SLC22A23: variants seen among roughly 807,000 people sequenced by gnomAD.
SLC22A23 encodes the protein solute carrier family 22 member 23.
A neutral mutation model predicts 61.0 loss-of-function variants in SLC22A23; 26 were observed. The ratio of observed to expected loss-of-function variants is 0.43; its 90% CI spans 0.31 to 0.59. The LOEUF is 0.59. Among genes scored for constraint, SLC22A23 ranks in the 20% least tolerant of loss-of-function variants. The probability of loss-of-function intolerance (pLI) is 0.11; values close to 1 mark genes in which losing one functional copy is unlikely to be tolerated. For synonymous variants in SLC22A23, 430 were observed against 413.9 expected (o/e 1.04, Z -0.47); for missense variants, 796 against 934.7 (o/e 0.85, Z 1.94).
At chr6:3,365,551 G>A (rs1158327097) in intron 3 of SLC22A23, among the ~76,000 whole-genome samples, 1 of 152,132 alleles carries the variant, frequency 6.6e-6, no homozygotes, top group Non-Finnish European at 1.5e-5. Context: ...GGAGCAGTGG[G>A]CGGACCTGAT....
At chr6:3,274,172 G>A (rs61246041) in intron 9 of SLC22A23, among the ~76,000 whole-genome samples, 2 of 152,124 alleles carry the variant, frequency 1.3e-5, no homozygotes, top group South Asian at 2.1e-4. Context: ...TAGTAGATAC[G>A]CAAAACTTAC....
At chr6:3,289,975 GAGA>G in intron 5 of SLC22A23, 109 bp from the exon 6 acceptor site, 1 of 544,342 alleles carries the variant, frequency 1.8e-6, no homozygotes, top group South Asian at 1.7e-5. Context: ...AGAAGGGAGA[GAGA>G]AGCTTTTTTT....
In SLC22A23 at chr6:3,277,960, G is replaced by A. The variant is rs368635092; in HGVS notation, c.1704-4548C>T. Among the ~76,000 whole-genome samples the A allele has an allele frequency of 7.7e-4, 117 of 152,318 alleles. 1 individual carries two copies. In the South Asian group the frequency reaches 0.022, roughly 29 times the overall value. ...TGTGACTGTGGTCCCTATGGCCAACGGCCAGCAAGGAGCTGAGGCTGCCAG... is the reference window on the plus strand; with the variant it reads ...TGTGACTGTGGTCCCTATGGCCAACAGCCAGCAAGGAGCTGAGGCTGCCAG... On this transcript the variant is annotated intron_variant, in intron 9 of 9. Transcript: ENST00000406686.
Position 3,369,667 on chromosome 6 carries a change from G to A in SLC22A23, c.913+40521C>T, listed in dbSNP as rs191329764. On this transcript the variant is annotated intron_variant, in intron 3 of 9. Coordinates refer to ENST00000406686, the MANE Select transcript of SLC22A23 (RefSeq NM_015482.2). ...GATTGTGCCACTGCATGCCAGCCTG[G>A]GTGACAGAGTGAGACTCCATCTCAA... 7.6e-3 allele frequency among the ~76,000 whole-genome samples: 1,123 copies of A among 147,314 alleles called. 17 individuals are homozygous for A. The highest frequency in any genetic ancestry group is 0.021 in the African/African-American group (839 of 39,484).
chr6:3,448,193 G>T (rs556398342), intron 1 of SLC22A23, among the ~76,000 whole-genome samples: 4 of 151,774 alleles, frequency 2.6e-5, no homozygotes, highest in African/African-American at 9.7e-5. Context: ...GTGAGCCACC[G>T]CGCCCGGCCA....
intron 9 of SLC22A23, among the ~76,000 whole-genome samples, chr6:3,276,482 A>G (rs1168353437): frequency 2.6e-5 from 4 of 152,314 alleles, no homozygotes; most frequent in Middle Eastern, 3.4e-3. Flanking sequence ...AGAGCTAATC[A>G]TATCACCTGG....
chr6:3,430,920 G>C (rs879513361), intron 1 of SLC22A23, among the ~76,000 whole-genome samples: 1 of 152,100 alleles, frequency 6.6e-6, no homozygotes, highest in Non-Finnish European at 1.5e-5. Context: ...TACAAAATTA[G>C]CTGGGTGTGG....
In SLC22A23 at chr6:3,322,355, C is replaced by T. The variant is rs977929071; in HGVS notation, c.1082+1479G>A. Among the ~76,000 whole-genome samples the T allele has an allele frequency of 1.3e-5, 2 of 152,244 alleles. No individual in the cohort carries two copies. Among genetic ancestry groups the T allele is most frequent in the Non-Finnish European group, 2.9e-5 (2 of 68,048 alleles). Reference sequence around the variant, plus strand: ...TGCCACAAGGGAGGGGGCAGAAAGACTTCCTTAGGAGATAGAAGGAAGAGA... The same window carrying T: ...TGCCACAAGGGAGGGGGCAGAAAGATTTCCTTAGGAGATAGAAGGAAGAGA... On this transcript the variant is annotated intron_variant, in intron 4 of 9. Transcript: ENST00000406686. This position sits in a 1 kb window ranked among gnomAD's most constrained non-coding sequence, Gnocchi z 4.1.
At chr6:3,394,665 T>C (rs1323673141) in intron 3 of SLC22A23, among the ~76,000 whole-genome samples, 3 of 152,158 alleles carry the variant, frequency 2.0e-5, no homozygotes, top group African/African-American at 4.8e-5. Flanking sequence ...CACATCACTT[T>C]GTCCCTCAAA....
In SLC22A23 at chr6:3,386,623, C is replaced by T. The variant is rs1309497315; in HGVS notation, c.913+23565G>A. On this transcript the variant is annotated intron_variant, in intron 3 of 9. Transcript: ENST00000406686. The surrounding 1 kb of genome is among the most constrained non-coding windows in gnomAD (Gnocchi z 4.4). ...GTGCCAAGCGTGGCTGGGGACAGCC[C>T]GAGAGCTCAGAACGGCCTTCCAGGG... is the stretch of plus-strand genomic sequence containing the variant. 2.6e-5 allele frequency among the ~76,000 whole-genome samples: 4 copies of T among 152,214 alleles called. No individual in the cohort carries two copies. Among genetic ancestry groups the T allele is most frequent in the Non-Finnish European group, 4.4e-5 (3 of 68,034 alleles).
chr6:3,314,247 G>A (rs1309930283), intron 4 of SLC22A23, among the ~76,000 whole-genome samples: 1 of 152,244 alleles, frequency 6.6e-6, no homozygotes, highest in African/African-American at 2.4e-5. Flanking sequence ...GCTCTGCCAA[G>A]TAAATGCTGC....
rs368606838 is a variant in SLC22A23 at position 3,329,108 on chromosome 6, C to CATCT, written c.914-5110_914-5107dup. On this transcript the variant is annotated intron_variant, in intron 3 of 9. Coordinates refer to ENST00000406686, the MANE Select transcript of SLC22A23 (RefSeq NM_015482.2). The surrounding 1 kb of genome is among the most constrained non-coding windows in gnomAD (Gnocchi z 4.8). The stretch of plus-strand genomic sequence containing the variant: ...TTGGCCCCAGCTCCAGCGGCTAAGG[C>CATCT]ATCTGCCCACCAGAAATACCAGGGG... 4.8e-3 allele frequency among the ~76,000 whole-genome samples: 733 copies of CATCT among 152,342 alleles called. 6 individuals carry two copies. Among genetic ancestry groups the CATCT allele is most frequent in the African/African-American group, 0.016 (682 of 41,574 alleles).
At chr6:3,419,268 C>A (rs1188643683) in intron 1 of SLC22A23, among the ~76,000 whole-genome samples, 1 of 152,156 alleles carries the variant, frequency 6.6e-6, no homozygotes, top group Non-Finnish European at 1.5e-5. Flanking sequence ...TCCTGAACAT[C>A]CCATCCGTGC....
At chr6:3,277,513 A>G (rs1759021433) in intron 9 of SLC22A23, among the ~76,000 whole-genome samples, 1 of 152,194 alleles carries the variant, frequency 6.6e-6, no homozygotes, top group Non-Finnish European at 1.5e-5. Context: ...ATCCCGTCCC[A>G]GCCACCCTTC....
rs917827325 is a variant in SLC22A23, at chr6:3,322,349, G to A, written c.1082+1485C>T. ...GAAGGCTGCCACAAGGGAGGGGGCAGAAAGACTTCCTTAGGAGATAGAAGG... is the reference window on the plus strand; with the variant it reads ...GAAGGCTGCCACAAGGGAGGGGGCAAAAAGACTTCCTTAGGAGATAGAAGG... On this transcript the variant is annotated intron_variant, in intron 4 of 9. Coordinates refer to ENST00000406686, the MANE Select transcript of SLC22A23 (RefSeq NM_015482.2). The surrounding 1 kb of genome is among the most constrained non-coding windows in gnomAD (Gnocchi z 4.1). Among the ~76,000 whole-genome samples the A allele has an allele frequency of 6.6e-6, 1 of 152,218 alleles. No individual in the cohort carries two copies. Among genetic ancestry groups the A allele is most frequent in the African/African-American group, 2.4e-5 (1 of 41,454 alleles).
intron 5 of SLC22A23, 112 bp from the exon 6 acceptor site, chr6:3,289,978 A>G (rs757131100): frequency 3.0e-6 from 2 of 662,626 alleles, no homozygotes; most frequent in Non-Finnish European, 5.2e-6. Context: ...AGGGAGAGAG[A>G]AGCTTTTTTT....
At chr6:3,444,778 C>G (rs2127554497) in intron 1 of SLC22A23, 1 of 984,628 alleles carries the variant, frequency 1.0e-6, no homozygotes, top group East Asian at 1.1e-4. Flanking sequence ...TGGGGCTCCT[C>G]CCATCACCCT....
chr6:3,302,541 G>A lies in SLC22A23; in HGVS notation c.1083-4323C>T, dbSNP rs962244891. On this transcript the variant is annotated intron_variant, in intron 4 of 9. Transcript: ENST00000406686. ...ATCATTGGGTTGTTTATATGAAATC[G>A]CTCTAGTTTTTTGATGTAGGCATTT... Among the ~76,000 whole-genome samples the A allele has an allele frequency of 4.6e-5, 7 of 151,910 alleles. No homozygotes were observed. The South Asian group carries it at 6.2e-4, about 13-fold the overall frequency.
intron 3 of SLC22A23, among the ~76,000 whole-genome samples, chr6:3,394,454 T>C (rs191556664): frequency 1.3e-4 from 20 of 152,314 alleles, no homozygotes; most frequent in Admixed American, 1.2e-3. Flanking sequence ...CAGGAATGAT[T>C]GTGGTAAATT....
Sources: gnomAD v4.1 joint callset for allele counts (sites outside exome capture counted in the v4.1 genomes callset) on GRCh38, gnomAD v4.1.1 for gene constraint, Gnocchi (gnomAD v3.1) non-coding constraint, MANE v1.5 for transcripts, NCBI Gene and HGNC (gene_info 2026-07-23, HGNC 2026-07-21) for gene names.